The following CHRM5 variants were observed in gnomAD, a reference collection of about 807,000 sequenced individuals.
CHRM5 encodes cholinergic receptor muscarinic 5, also known as muscarinic acetylcholine receptor M5.
A neutral mutation model predicts 39.0 loss-of-function variants in CHRM5; 18 were observed. The observed-to-expected ratio is 0.46, with a 90% CI of 0.32 to 0.68. The LOEUF (loss-of-function observed/expected upper bound fraction) is 0.68. Ranked by LOEUF, CHRM5 falls within the 30% of genes least tolerant of loss-of-function variation. The probability of loss-of-function intolerance (pLI) is 0.04; values close to 1 mark genes in which losing one functional copy is unlikely to be tolerated. For missense variants in CHRM5, 515 were observed against 651.1 expected (o/e 0.79, Z 2.28); for synonymous variants, 241 against 246.3 (o/e 0.98, Z 0.20).
chr15:33,980,109 ACT>A (rs1170086583), intron 1 of CHRM5, among the ~76,000 whole-genome samples: 1 of 152,228 alleles, frequency 6.6e-6, no homozygotes, highest in East Asian at 1.9e-4. Flanking sequence ...CTCATAGTAA[ACT>A]AGTATGACTC....
At chr15:34,026,301 C>T (rs1898469382) in intron 1 of CHRM5, among the ~76,000 whole-genome samples, 1 of 151,930 alleles carries the variant, frequency 6.6e-6, no homozygotes, top group Non-Finnish European at 1.5e-5. Flanking sequence ...CTTTTATTTT[C>T]TTCTTGGTAT....
At chr15:33,993,116 C>T (rs918532227) in intron 1 of CHRM5, among the ~76,000 whole-genome samples, 2 of 152,068 alleles carry the variant, frequency 1.3e-5, no homozygotes, top group African/African-American at 4.8e-5. Context: ...AAGGAACAGA[C>T]AATGCATATT....
At chr15:33,993,915 C>T (rs1251394768) in intron 1 of CHRM5, among the ~76,000 whole-genome samples, 1 of 152,160 alleles carries the variant, frequency 6.6e-6, no homozygotes, top group East Asian at 1.9e-4. Context: ...TCTTTTACTT[C>T]ATGCTATGTT....
At chr15:33,974,738 C>T (rs949228395) in intron 1 of CHRM5, among the ~76,000 whole-genome samples, 1 of 152,096 alleles carries the variant, frequency 6.6e-6, no homozygotes, top group Non-Finnish European at 1.5e-5. Context: ...TTTGGGAGGC[C>T]GAGGCAGGTG....
intron 2 of CHRM5, among the ~76,000 whole-genome samples, chr15:34,061,611 G>C (rs546691791): frequency 1.3e-5 from 2 of 152,278 alleles, no homozygotes; most frequent in African/African-American, 4.8e-5. Context: ...AATTAGAGGA[G>C]ACTTTTGCTT....
At chr15:33,982,257 C>A (rs1896185281) in intron 1 of CHRM5, among the ~76,000 whole-genome samples, 1 of 151,962 alleles carries the variant, frequency 6.6e-6, no homozygotes, top group Non-Finnish European at 1.5e-5. Flanking sequence ...ACAAATTAAG[C>A]CAATCTAATT....
chr15:34,052,833 A>C (rs565467337), intron 2 of CHRM5, among the ~76,000 whole-genome samples: 1 of 152,304 alleles, frequency 6.6e-6, no homozygotes, highest in Non-Finnish European at 1.5e-5. Flanking sequence ...CCAATGCTCA[A>C]TGAAATCAGA....
chr15:33,991,299 C>T (rs1374153879), intron 1 of CHRM5: 5 of 151,932 alleles, frequency 3.3e-5, no homozygotes, highest in African/African-American at 7.3e-5. Context: ...TTTTGCAAAA[C>T]AAGAATGAAG....
chr15:33,978,451 G>A (rs1243234452), intron 1 of CHRM5, among the ~76,000 whole-genome samples: 2 of 152,120 alleles, frequency 1.3e-5, no homozygotes, highest in African/African-American at 4.8e-5. Flanking sequence ...ATCACCTGAG[G>A]TCAGGAGTTC....
At chr15:34,059,198 C>T (rs1900257973) in intron 2 of CHRM5, among the ~76,000 whole-genome samples, 1 of 152,082 alleles carries the variant, frequency 6.6e-6, no homozygotes, top group African/African-American at 2.4e-5. Context: ...CACCTGGCCT[C>T]CTTATTTTTT....
At chr15:34,013,157 G>A (rs1224491620) in intron 1 of CHRM5, among the ~76,000 whole-genome samples, 1 of 152,104 alleles carries the variant, frequency 6.6e-6, no homozygotes, top group Non-Finnish European at 1.5e-5. Context: ...TGCCTCCTGG[G>A]TTCAAGCGAT....
At chr15:33,982,160 C>A (rs1896180330) in intron 1 of CHRM5, among the ~76,000 whole-genome samples, 1 of 152,092 alleles carries the variant, frequency 6.6e-6, no homozygotes, top group Admixed American at 6.6e-5. Flanking sequence ...AACCACCACA[C>A]CCAGCACTAA....
chr15:33,988,650 A>G (rs1425876961), intron 1 of CHRM5, among the ~76,000 whole-genome samples: 1 of 152,186 alleles, frequency 6.6e-6, no homozygotes, highest in Non-Finnish European at 1.5e-5. Context: ...CTATTTATGA[A>G]GCCTAACCCT....
chr15:34,067,109 G>A lies in CHRM5; in HGVS notation c.*2793G>A, dbSNP rs933406974. 9.2e-5 allele frequency: 14 copies of A among 152,176 alleles called. No homozygotes were observed. Among genetic ancestry groups the A allele is most frequent in the African/African-American group, 1.4e-4 (6 of 41,440 alleles). The allele number at this position is 152,176 out of a possible 1,614,324, so 9.4% of individuals were successfully genotyped here. On this transcript the variant is annotated 3_prime_UTR_variant, in exon 3 of 3. Transcript: ENST00000383263. ...GCTTTGTCTATAGTAAACCATGTAT[G>A]ACTTTGGCTAGTTACCTACTGGATG...
At chr15:34,050,926 A>G (rs75349173) in intron 2 of CHRM5, among the ~76,000 whole-genome samples, 3,920 of 152,278 alleles carry the variant, frequency 0.026, 171 homozygotes, top group African/African-American at 0.088. Context: ...CCCACCGACT[A>G]TATTAGACAG....
At chr15:33,982,598 T>A (rs1003052236) in intron 1 of CHRM5, among the ~76,000 whole-genome samples, 2 of 152,204 alleles carry the variant, frequency 1.3e-5, no homozygotes, top group African/African-American at 4.8e-5. Flanking sequence ...CAATTTTTTT[T>A]AAATGCTATA....
chr15:34,044,102 A>C (rs1899592488), intron 1 of CHRM5, among the ~76,000 whole-genome samples: 1 of 152,158 alleles, frequency 6.6e-6, no homozygotes, highest in South Asian at 2.1e-4. Flanking sequence ...AAATGAAAAA[A>C]AAAAAAAACT....
intron 1 of CHRM5, among the ~76,000 whole-genome samples, chr15:34,011,702 C>A (rs144405713): frequency 6.6e-6 from 1 of 152,164 alleles, no homozygotes; most frequent in Admixed American, 6.5e-5. Flanking sequence ...ATCTCACAGG[C>A]CTCTCATTCC....
intron 1 of CHRM5, among the ~76,000 whole-genome samples, chr15:34,036,149 C>G (rs1210794773): frequency 6.6e-6 from 1 of 151,892 alleles, no homozygotes; most frequent in Non-Finnish European, 1.5e-5. Context: ...AATAATGCTT[C>G]TAGTGAGTAT....
Sources: gnomAD v4.1 joint callset for allele counts (sites outside exome capture counted in the v4.1 genomes callset) on GRCh38, gnomAD v4.1.1 for gene constraint, MANE v1.5 for transcripts, NCBI Gene and HGNC (gene_info 2026-07-23, HGNC 2026-07-21) for gene names.